EGF: variants seen among roughly 807,000 people sequenced by gnomAD.
The protein encoded by EGF is pro-epidermal growth factor.
Under a neutral mutation model 143.8 loss-of-function variants are expected in EGF, and 95 were observed. That is an observed-to-expected ratio of 0.66 (90% confidence interval 0.56 to 0.78). The LOEUF (loss-of-function observed/expected upper bound fraction) is 0.78, where lower values mean the gene tolerates loss of function less well. Ranked by LOEUF, EGF falls within the 30% of genes least tolerant of loss-of-function variation. EGF has a pLI of 0.00. For missense variants in EGF, 1,320 were observed against 1,470.9 expected (o/e 0.90, Z 1.68); for synonymous variants, 510 against 510.5 (o/e 1.00, Z 0.01).
chr4:110,012,447 C>T lies in EGF; in HGVS notation c.*992C>T, dbSNP rs1754077779. Among the ~76,000 whole-genome samples the T allele has an allele frequency of 6.6e-6, 1 of 151,688 alleles. No individual in the cohort carries two copies. Among genetic ancestry groups the T allele is most frequent in the Non-Finnish European group, 1.5e-5 (1 of 67,980 alleles). ...AGTGTGCAATGGCACAATCATAGCT[C>T]AGTGCAGCCTCAAACTCCTGGGCTC... On this transcript the variant is annotated 3_prime_UTR_variant, in exon 24 of 24. Transcript: ENST00000265171.
At chr4:109,934,948 TGTTTTG>T (rs1356565590) in intron 1 of EGF, among the ~76,000 whole-genome samples, 2 of 152,188 alleles carry the variant, frequency 1.3e-5, no homozygotes, top group Non-Finnish European at 2.9e-5. Context: ...GGTACCATGC[TGTTTTG>T]GTTACTGTAG....
intron 1 of EGF, among the ~76,000 whole-genome samples, chr4:109,921,538 T>C (rs1055630189): frequency 6.6e-6 from 1 of 151,558 alleles, no homozygotes; most frequent in Non-Finnish European, 1.5e-5. Context: ...TGGTAGGCAC[T>C]AATTTATTTG....
chr4:109,979,934 C>G (rs188758408), intron 13 of EGF, 38 bp from the exon 14 acceptor site: 1 of 1,611,688 alleles, frequency 6.2e-7, no homozygotes, highest in Non-Finnish European at 8.5e-7. Context: ...ATTGCAAAGA[C>G]AAAGAAGGTG....
chr4:109,983,039 G>A (rs1436639086), intron 15 of EGF, among the ~76,000 whole-genome samples: 2 of 152,158 alleles, frequency 1.3e-5, no homozygotes, highest in African/African-American at 2.4e-5. Context: ...GCATAAAGGA[G>A]GAAGCATGTG....
intron 5 of EGF, among the ~76,000 whole-genome samples, chr4:109,952,294 C>G (rs1256588769): frequency 2.0e-5 from 3 of 152,072 alleles, no homozygotes; most frequent in African/African-American, 7.2e-5. Context: ...CAGTTTTAAG[C>G]TATAAGAGAG....
At chr4:109,997,273 A>G (rs1361680858) in intron 20 of EGF, among the ~76,000 whole-genome samples, 1 of 152,024 alleles carries the variant, frequency 6.6e-6, no homozygotes, top group Admixed American at 6.5e-5. Context: ...AGAATATCTC[A>G]AGCATTGATC....
intron 1 of EGF, among the ~76,000 whole-genome samples, chr4:109,936,297 T>G (rs1740784952): frequency 6.6e-6 from 1 of 152,228 alleles, no homozygotes; most frequent in Admixed American, 6.5e-5. Flanking sequence ...GTCCAGGAAT[T>G]TATCCCTTTC....
intron 2 of EGF, among the ~76,000 whole-genome samples, chr4:109,942,082 C>G (rs1184675124): frequency 6.6e-6 from 1 of 152,234 alleles, no homozygotes; most frequent in Non-Finnish European, 1.5e-5. Context: ...ACTTGCTAAT[C>G]TCACTTTTAA....
At chr4:109,970,662 T>TA (rs1286655666) in intron 11 of EGF, among the ~76,000 whole-genome samples, 2 of 151,822 alleles carry the variant, frequency 1.3e-5, no homozygotes, top group African/African-American at 2.4e-5. Flanking sequence ...CCGTCTCTAC[T>TA]AAAAATACAA....
chr4:110,006,159 A>T (rs1035293086), intron 22 of EGF, among the ~76,000 whole-genome samples: 2 of 150,226 alleles, frequency 1.3e-5, no homozygotes, highest in Non-Finnish European at 2.9e-5. Flanking sequence ...ACAATATAGC[A>T]AGATCATATT....
intron 11 of EGF, among the ~76,000 whole-genome samples, chr4:109,971,327 C>A (rs1430583420): frequency 6.6e-6 from 1 of 152,162 alleles, no homozygotes; most frequent in Non-Finnish European, 1.5e-5. Context: ...ATAATGACCT[C>A]CTCTGTGTTG....
intron 5 of EGF, among the ~76,000 whole-genome samples, chr4:109,951,074 A>C (rs1346835372): frequency 1.3e-5 from 2 of 152,080 alleles, no homozygotes; most frequent in African/African-American, 4.8e-5. Flanking sequence ...TGGGAGGCCA[A>C]GGCGGGTGGA....
intron 10 of EGF, among the ~76,000 whole-genome samples, chr4:109,965,679 A>G (rs1055527212): frequency 2.0e-5 from 3 of 152,018 alleles, no homozygotes; most frequent in African/African-American, 7.2e-5. Context: ...TTGCTACTCA[A>G]ATTGTGATCT....
intron 5 of EGF, among the ~76,000 whole-genome samples, chr4:109,948,411 A>G (rs1743217506): frequency 2.6e-5 from 4 of 152,206 alleles, no homozygotes; most frequent in Non-Finnish European, 5.9e-5. Flanking sequence ...GGGTTAGATG[A>G]AAATATGCAC....
rs1465027382 is a variant in EGF at position 109,999,980 on chromosome 4, A to G, written c.3173+134A>G. 1.6e-5 allele frequency: 21 copies of G among 1,349,234 alleles called. No homozygotes were observed. In the Admixed American group the frequency reaches 3.6e-4, roughly 23 times the overall value. 83.6% of individuals were successfully genotyped at this position (1,349,234 alleles called of 1,614,324 possible). A position where few individuals can be genotyped will look rare whatever the true frequency, so the allele number is the denominator to read the frequency against. ...TTAAAACGTGAAATAGGCTGGGTGC[A>G]GTGACCCATGCCTGCAATCCCAGCA... is the stretch of plus-strand genomic sequence containing the variant. On this transcript the variant is annotated intron_variant, in intron 21 of 23. Coordinates refer to ENST00000265171, the MANE Select transcript of EGF (RefSeq NM_001963.6).
intron 6 of EGF, 71 bp from the exon 7 acceptor site, chr4:109,960,796 C>T: frequency 6.3e-7 from 1 of 1,587,352 alleles, no homozygotes; most frequent in Admixed American, 1.7e-5. Context: ...GTTGTGATGA[C>T]TTATTAGTGA....
At chr4:109,942,421 C>G (rs1048557159) in intron 2 of EGF, among the ~76,000 whole-genome samples, 1 of 152,170 alleles carries the variant, frequency 6.6e-6, no homozygotes, top group Non-Finnish European at 1.5e-5. Flanking sequence ...GGCTAGATTT[C>G]TTTGTATGAA....
chr4:110,002,047 C>G, intron 21 of EGF: 1 of 985,210 alleles, frequency 1.0e-6, no homozygotes, highest in Non-Finnish European at 1.2e-6. Flanking sequence ...ACTGTACCAA[C>G]AAATACAGCT....
chr4:109,980,670 C>G, intron 14 of EGF, 156 bp from the exon 15 acceptor site: 1 of 821,262 alleles, frequency 1.2e-6, no homozygotes, highest in Non-Finnish European at 2.0e-6. Flanking sequence ...CTTGGGGGAA[C>G]TCTTCTGAAA....
Sources: allele counts gnomAD v4.1 joint callset (sites outside exome capture counted in the v4.1 genomes callset), GRCh38; gene constraint gnomAD v4.1.1; transcripts MANE v1.5; gene names NCBI Gene and HGNC (gene_info 2026-07-23, HGNC 2026-07-21).